The following SIRPG variants were observed in gnomAD, a reference collection of about 807,000 sequenced individuals.
The protein encoded by SIRPG is signal regulatory protein gamma, also known as signal-regulatory protein gamma.
In SIRPG, 38 loss-of-function variants were observed where a neutral mutation model predicts 35.7. The ratio of observed to expected loss-of-function variants is 1.06; its 90% confidence interval spans 0.82 to 1.40. The LOEUF is 1.40. SIRPG is among the 40% of genes most tolerant of loss of function. The pLI is 0.00. For synonymous variants in SIRPG, 215 were observed against 190.4 expected, an observed-to-expected ratio of 1.13 and a Z score of -1.06; for missense variants, 519 against 483.0, an observed-to-expected ratio of 1.07 and a Z score of -0.70.
intron 1 of SIRPG, 64 bp downstream of exon 1, chr20:1,657,578 G>C (rs765516767): frequency 2.9e-5 from 44 of 1,516,210 alleles, no homozygotes; most frequent in Non-Finnish European, 3.5e-5. Context: ...ATTGCTGCAA[G>C]TCCAGGGGCA....
At chr20:1,681,790 C>T in the SIRPG span, among the ~76,000 whole-genome samples, 105 of 152,148 alleles carry the variant, frequency 6.9e-4, no homozygotes, top group East Asian at 0.015. Flanking sequence ...GAGCTGAGAT[C>T]GCAACACTGC....
chr20:1,683,604 C>T, the SIRPG span, among the ~76,000 whole-genome samples: 2 of 152,136 alleles, frequency 1.3e-5, no homozygotes, highest in Non-Finnish European at 2.9e-5. Context: ...CTGGAGGATA[C>T]TATGCTAAGT....
chr20:1,634,663 G>A (rs1280319501), intron 4 of SIRPG, among the ~76,000 whole-genome samples: 1 of 152,084 alleles, frequency 6.6e-6, no homozygotes, highest in East Asian at 1.9e-4. Context: ...GATGAGAAAC[G>A]GGCACAACAA....
the SIRPG span, among the ~76,000 whole-genome samples, chr20:1,668,221 TTCTTTCTTTCTTTCTTTCTTTC>T: frequency 4.6e-5 from 6 of 129,360 alleles, no homozygotes; most frequent in African/African-American, 9.3e-5. Flanking sequence ...CTTTCTTTCT[TTCTTTCTTTCTTTCTTTCTTTC>T]TTTCTTTTTC....
At chr20:1,667,048 CA>C in the SIRPG span, among the ~76,000 whole-genome samples, 1 of 152,074 alleles carries the variant, frequency 6.6e-6, no homozygotes, top group Non-Finnish European at 1.5e-5. Context: ...AGCTGTGCAT[CA>C]CCACACGTAG....
the SIRPG span, among the ~76,000 whole-genome samples, chr20:1,674,922 G>A: frequency 2.0e-5 from 3 of 152,186 alleles, no homozygotes; most frequent in Admixed American, 2.0e-4. Flanking sequence ...TGTCCTCCAT[G>A]TGTCCCAGTG....
the SIRPG span, among the ~76,000 whole-genome samples, chr20:1,685,168 A>G: frequency 1.3e-5 from 2 of 152,224 alleles, no homozygotes; most frequent in East Asian, 3.9e-4. Flanking sequence ...TGCACCAGGA[A>G]AGGTCTTCCA....
the SIRPG span, among the ~76,000 whole-genome samples, chr20:1,678,638 A>G: frequency 6.6e-6 from 1 of 152,200 alleles, no homozygotes. Context: ...AAAGAGAAAA[A>G]GAGAAAGGGG....
At chr20:1,640,237 G>A (rs1044117529) in intron 2 of SIRPG, among the ~76,000 whole-genome samples, 2 of 152,098 alleles carry the variant, frequency 1.3e-5, no homozygotes, top group African/African-American at 4.8e-5. Flanking sequence ...TCCTATCCAT[G>A]AGCATGGAAT....
chr20:1,650,714 C>T (rs1279877678), intron 1 of SIRPG, among the ~76,000 whole-genome samples: 1 of 152,136 alleles, frequency 6.6e-6, no homozygotes. Context: ...TCAAAACCTT[C>T]ACAAACTTAA....
At chr20:1,650,808 T>C (rs750622433) in intron 1 of SIRPG, among the ~76,000 whole-genome samples, 18 of 152,188 alleles carry the variant, frequency 1.2e-4, no homozygotes, top group Non-Finnish European at 2.2e-4. Context: ...CACACTAAGG[T>C]ACATTATAAT....
the SIRPG span, among the ~76,000 whole-genome samples, chr20:1,668,866 C>T: frequency 6.6e-6 from 1 of 152,198 alleles, no homozygotes; most frequent in Non-Finnish European, 1.5e-5. Flanking sequence ...ACCTTCCATG[C>T]ATCTCTGATT....
In SIRPG at chr20:1,630,295, A is replaced by ATGATGCCG; in HGVS notation, c.1085_1092dup (p.Ser365ArgfsTer11). 1 of 1,561,870 alleles carries ATGATGCCG rather than the reference A, an allele frequency of 6.4e-7. No homozygotes were observed. The highest frequency in any genetic ancestry group is 8.7e-7 in the Non-Finnish European group (1 of 1,152,678). ...GCTATGAGGAGCAGCGCAGTAAGGG[A>ATGATGCCG]TGATGCCGGGCCTGGAAATCAGGGA... On this transcript the variant is annotated frameshift_variant, in exon 5 of 6. Coordinates refer to ENST00000303415, the MANE Select transcript of SIRPG (RefSeq NM_018556.4). LOFTEE classifies it high-confidence loss of function.
rs560486445 is a variant in SIRPG at position 1,634,415 on chromosome 20, A to G, written c.1081+852T>C. On this transcript the variant is annotated intron_variant, in intron 4 of 5. Coordinates refer to ENST00000303415, the MANE Select transcript of SIRPG (RefSeq NM_018556.4). ...GTAGAGATGGGGTTTCACCGTGTTA[A>G]CCAGGATGGTCTCGATCTCCTGACC... 3.3e-3 allele frequency among the ~76,000 whole-genome samples: 503 copies of G among 151,414 alleles called. 9 individuals are homozygous for G. Among genetic ancestry groups the G allele is most frequent in the Admixed American group, 0.028 (433 of 15,200 alleles).
intron 2 of SIRPG, among the ~76,000 whole-genome samples, chr20:1,640,741 G>A (rs2091845718): frequency 6.6e-6 from 1 of 152,112 alleles, no homozygotes; most frequent in Admixed American, 6.5e-5. Context: ...TACTGGCTGT[G>A]GGGTTGTCAT....
At chr20:1,677,357 T>C in the SIRPG span, among the ~76,000 whole-genome samples, 36,695 of 152,062 alleles carry the variant, frequency 0.24, 5,186 homozygotes, top group East Asian at 0.59. Flanking sequence ...CTTTAGACCA[T>C]TGAGTCATGA....
At chr20:1,678,056 T>C in the SIRPG span, among the ~76,000 whole-genome samples, 1 of 152,150 alleles carries the variant, frequency 6.6e-6, no homozygotes, top group African/African-American at 2.4e-5. Flanking sequence ...TATATACAAT[T>C]TTTTTAAAAA....
the SIRPG span, among the ~76,000 whole-genome samples, chr20:1,672,014 G>A: frequency 1.7e-3 from 262 of 152,256 alleles, 3 homozygotes; most frequent in African/African-American, 6.0e-3. Context: ...ATTTTAGGGG[G>A]CCTATTCCCA....
intron 1 of SIRPG, among the ~76,000 whole-genome samples, chr20:1,655,031 GTAT>G (rs1332941247): frequency 6.6e-6 from 1 of 152,196 alleles, no homozygotes; most frequent in African/African-American, 2.4e-5. Context: ...AGGAAATTTA[GTAT>G]TGGAGAAGAT....
Sources: allele counts gnomAD v4.1 joint callset (sites outside exome capture counted in the v4.1 genomes callset), GRCh38; gene constraint gnomAD v4.1.1; transcripts MANE v1.5; gene names NCBI Gene and HGNC (gene_info 2026-07-23, HGNC 2026-07-21).